DMXL2: variants seen among roughly 807,000 people sequenced by gnomAD.
DMXL2 encodes the protein dmX-like protein 2.
In DMXL2, 103 loss-of-function variants were observed where a neutral mutation model predicts 331.1. The ratio of observed to expected loss-of-function variants is 0.31; its 90% CI spans 0.27 to 0.37. The LOEUF (loss-of-function observed/expected upper bound fraction) is 0.37, where lower values mean the gene tolerates loss of function less well. DMXL2 is among the 10% of genes least tolerant of loss of function. The probability of loss-of-function intolerance (pLI) is 1.00; values close to 1 mark genes in which losing one functional copy is unlikely to be tolerated. For missense variants in DMXL2, 3,171 were observed against 3,642.9 expected, an observed-to-expected ratio of 0.87 and a Z score of 3.33; for synonymous variants, 1,281 against 1,252.1, an observed-to-expected ratio of 1.02 and a Z score of -0.49.
intron 1 of DMXL2, among the ~76,000 whole-genome samples, chr15:51,594,662 T>C (rs1232860883): frequency 1.3e-5 from 2 of 152,178 alleles, no homozygotes; most frequent in Non-Finnish European, 2.9e-5. Context: ...GCAAAAATCC[T>C]CAATAAAATA....
rs1487577034 is a variant in DMXL2 at position 51,605,307 on chromosome 15, T to C, written c.87+17152A>G. On this transcript the variant is annotated intron_variant, in intron 1 of 43. Transcript: ENST00000560891. ...CCTCTACCTCTTGGGTTCAAGTGAT[T>C]CTAGTGCCTCAACCTCCCAAGTGGC... Among the ~76,000 whole-genome samples the C allele has an allele frequency of 2.0e-5, 3 of 152,110 alleles. No individual in the cohort carries two copies. The East Asian group carries it at 5.8e-4, about 29-fold the overall frequency.
intron 13 of DMXL2, among the ~76,000 whole-genome samples, chr15:51,523,758 G>A (rs2083060765): frequency 6.6e-6 from 1 of 152,252 alleles, no homozygotes; most frequent in Admixed American, 6.5e-5. Flanking sequence ...ATCAGAAAGA[G>A]CATGGCCTTG....
chr15:51,455,367 AAGTCC>A, intron 39 of DMXL2, 139 bp from the exon 40 acceptor site: 1 of 749,420 alleles, frequency 1.3e-6, no homozygotes, highest in Non-Finnish European at 2.2e-6. Context: ...CATTCCCAAA[AAGTCC>A]AAGTGCTAAA....
intron 1 of DMXL2, among the ~76,000 whole-genome samples, chr15:51,592,172 A>C (rs2052410028): frequency 2.6e-5 from 4 of 152,194 alleles, no homozygotes; most frequent in Admixed American, 1.3e-4. Flanking sequence ...CCTTGAAAAA[A>C]AAAATAGACG....
intron 26 of DMXL2, 146 bp from the exon 27 acceptor site, chr15:51,476,865 A>AAC: frequency 3.5e-6 from 2 of 570,844 alleles, no homozygotes; most frequent in Non-Finnish European, 5.5e-6. Context: ...TATTTTAGAA[A>AAC]ATTACTGAAA....
rs188277515 is a variant in DMXL2, at chr15:51,506,241, T to G, written c.2764+893A>C. ...CCACACTTAATTAATTTTTTATTTTTTTGTAGAGATGAAGTCTCACTCTAT... is the reference window on the plus strand; with the variant it reads ...CCACACTTAATTAATTTTTTATTTTGTTGTAGAGATGAAGTCTCACTCTAT... On this transcript the variant is annotated intron_variant, in intron 16 of 43. Coordinates refer to ENST00000560891, the MANE Select transcript of DMXL2 (RefSeq NM_001378457.1). Among the ~76,000 whole-genome samples the G allele has an allele frequency of 3.2e-3, 481 of 152,134 alleles. 1 individual carries two copies. The highest frequency in any genetic ancestry group is 0.011 in the African/African-American group (461 of 41,478).
chr15:51,534,966 A>G (rs2048205250), intron 13 of DMXL2, among the ~76,000 whole-genome samples: 1 of 152,150 alleles, frequency 6.6e-6, no homozygotes. Context: ...TATGTCTTAA[A>G]CTGCTACTTA....
chr15:51,490,425 G>A (rs1017378785), intron 20 of DMXL2, among the ~76,000 whole-genome samples: 4 of 152,070 alleles, frequency 2.6e-5, no homozygotes, highest in Admixed American at 6.6e-5. Context: ...TGCATCCTTC[G>A]GAGAAACAAA....
intron 1 of DMXL2, 72 bp downstream of exon 1, chr15:51,622,387 C>A: frequency 1.3e-6 from 2 of 1,543,054 alleles, no homozygotes; most frequent in Non-Finnish European, 1.8e-6. Context: ...AGGCGTGCGC[C>A]CTGGACAGGA....
intron 25 of DMXL2, 56 bp downstream of exon 25, chr15:51,479,892 A>G: frequency 7.7e-7 from 1 of 1,304,674 alleles, no homozygotes; most frequent in Non-Finnish European, 1.0e-6. Context: ...AGACAGGTAT[A>G]ACATATTTAC....
intron 2 of DMXL2, 67 bp downstream of exon 2, chr15:51,575,989 T>C (rs750027217): frequency 1.3e-4 from 187 of 1,456,982 alleles, no homozygotes; most frequent in African/African-American, 4.4e-4. Context: ...CATAAAAGGA[T>C]AAGAAGATTC....
intron 13 of DMXL2, among the ~76,000 whole-genome samples, chr15:51,530,482 T>G (rs1039072331): frequency 6.6e-6 from 1 of 151,760 alleles, no homozygotes; most frequent in Non-Finnish European, 1.5e-5. Flanking sequence ...CTGGGCACAG[T>G]GGCTCACCCC....
chr15:51,536,761 A>C lies in DMXL2; in HGVS notation c.1719T>G (p.Asp573Glu). The C allele has an allele frequency of 6.2e-7, 1 of 1,614,050 alleles. No homozygotes were observed. The highest frequency in any genetic ancestry group is 8.5e-7 in the Non-Finnish European group (1 of 1,179,994). ...MMYACINATK[D>E]SHHTLLHQEG... ...CCTGGTGTAACAGCGTGTGGTGAGAATCTTTTGTCGCATTTATACAGGCAT... is the reference window on the plus strand; with the variant it reads ...CCTGGTGTAACAGCGTGTGGTGAGACTCTTTTGTCGCATTTATACAGGCAT... Residue 573 changes from aspartate (D) to glutamate (E), a missense_variant, in exon 12 of 44, where the codon GAT becomes GAG. Asp to Glu is a conservative substitution (Grantham distance 45). This residue lies in a region of DMXL2 where 1,674 missense variants were observed against 1,780.2 expected (regional missense o/e 0.94). Transcript: ENST00000560891.
intron 6 of DMXL2, among the ~76,000 whole-genome samples, chr15:51,560,784 T>C (rs998209768): frequency 6.6e-6 from 1 of 151,660 alleles, no homozygotes; most frequent in Non-Finnish European, 1.5e-5. Flanking sequence ...CTTTTTTAAA[T>C]AAAATAATAA....
chr15:51,465,431 A>G (rs1218181773), intron 31 of DMXL2, 135 bp downstream of exon 31: 1 of 727,860 alleles, frequency 1.4e-6, no homozygotes, highest in Non-Finnish European at 2.4e-6. Flanking sequence ...GGAGCCTAAA[A>G]TAAACAAGAC....
At chr15:51,454,321 C>T (rs2039423474) in intron 40 of DMXL2, among the ~76,000 whole-genome samples, 1 of 152,126 alleles carries the variant, frequency 6.6e-6, no homozygotes, top group South Asian at 2.1e-4. Flanking sequence ...ACAGCATCAC[C>T]TTCCACCCTC....
At chr15:51,484,816 T>C (rs2042268236) in intron 23 of DMXL2, among the ~76,000 whole-genome samples, 1 of 151,906 alleles carries the variant, frequency 6.6e-6, no homozygotes, top group Admixed American at 6.6e-5. Flanking sequence ...AATACAGATA[T>C]ACAACTAAAT....
intron 19 of DMXL2, among the ~76,000 whole-genome samples, chr15:51,492,475 G>GT: frequency 6.6e-6 from 1 of 151,888 alleles, no homozygotes; most frequent in East Asian, 1.9e-4. Context: ...GGTGAACATT[G>GT]TTTTTTGTTT....
Sources: gnomAD v4.1 joint callset for allele counts (sites outside exome capture counted in the v4.1 genomes callset) on GRCh38, gnomAD v4.1.1 for gene constraint, gnomAD v4.1.1 regional missense constraint, MANE v1.5 for transcripts, NCBI Gene and HGNC (gene_info 2026-07-23, HGNC 2026-07-21) for gene names.